Variants in DAG1 observed in about 807,000 individuals in gnomAD.
DAG1 encodes dystroglycan 1 (dystrophin-associated glycoprotein 1).
In DAG1, 8 loss-of-function variants were observed where a neutral mutation model predicts 46.1. The ratio of observed to expected loss-of-function variants is 0.17; its 90% CI spans 0.10 to 0.31. The LOEUF is 0.31. DAG1 is among the 10% of genes least tolerant of loss of function. DAG1 has a pLI of 1.00. For synonymous variants in DAG1, 495 were observed against 481.8 expected, an observed-to-expected ratio of 1.03 and a Z score of -0.36; for missense variants, 1,003 against 1,189.9, an observed-to-expected ratio of 0.84 and a Z score of 2.31.
chr3:49,485,991 A>C (rs1353698797), intron 1 of DAG1, among the ~76,000 whole-genome samples: 2 of 151,382 alleles, frequency 1.3e-5, no homozygotes, highest in Non-Finnish European at 2.9e-5. Flanking sequence ...AAGCTTTCTG[A>C]GGGTTGTCCT....
At chr3:49,471,394 G>A (rs1261358179) in intron 1 of DAG1, among the ~76,000 whole-genome samples, 3 of 151,974 alleles carry the variant, frequency 2.0e-5, no homozygotes, top group African/African-American at 7.3e-5. Flanking sequence ...GGGTATTGCA[G>A]TTTTATCAGG....
In DAG1 at chr3:49,525,853, C is replaced by T. The variant is rs542657805; in HGVS notation, c.286-4944C>T. Reference sequence around the variant, plus strand: ...GATTACAGGCGTGAGCCACCGCGCTCGGCCTTTTTTTTTTTGAGATGGAGT... The same window carrying T: ...GATTACAGGCGTGAGCCACCGCGCTTGGCCTTTTTTTTTTTGAGATGGAGT... On this transcript the variant is annotated intron_variant, in intron 2 of 2. Transcript: ENST00000308775. Among the ~76,000 whole-genome samples the T allele has an allele frequency of 7.1e-4, 106 of 150,084 alleles. 1 individual carries two copies. Among genetic ancestry groups the T allele is most frequent in the African/African-American group, 2.5e-3 (101 of 40,632 alleles).
At position 49,531,149 on chromosome 3, in the gene DAG1, G is replaced by A. The variant is rs2107926954; in HGVS notation, c.638G>A (p.Arg213Lys). 2 of 1,614,234 alleles carry A rather than the reference G, an allele frequency of 1.2e-6. No homozygotes were observed. Among genetic ancestry groups the A allele is most frequent in the East Asian group, 2.2e-5 (1 of 44,886 alleles). The change falls in exon 3 of 3, where the codon AGG becomes AAG. Residue 213 changes from arginine to lysine, a missense_variant. Arg to Lys is a conservative substitution (Grantham distance 26). Around this residue, in one of 3 missense-constraint regions of DAG1, gnomAD observed 52 missense variants for 96.7 expected, o/e 0.54. Coordinates refer to ENST00000308775, the MANE Select transcript of DAG1 (RefSeq NM_004393.6). This position sits in a 1 kb window ranked among gnomAD's most constrained non-coding sequence, Gnocchi z 7.0. ...TPKQRIDLLH[R>K]MRSFSEVELH... The stretch of plus-strand genomic sequence containing the variant: ...AAGCAAAGGATTGACCTCCTGCACA[G>A]GATGCGGAGCTTCTCAGAAGTAGAG...
At chr3:49,503,763 G>A (rs1476765560) in intron 1 of DAG1, among the ~76,000 whole-genome samples, 4 of 151,922 alleles carry the variant, frequency 2.6e-5, no homozygotes, top group Non-Finnish European at 5.9e-5. Flanking sequence ...GGGAGGTCGA[G>A]GCTGCAGTGA....
intron 2 of DAG1, among the ~76,000 whole-genome samples, chr3:49,524,818 A>ACACACCCACACACC: frequency 6.6e-6 from 1 of 152,210 alleles, no homozygotes; most frequent in Middle Eastern, 3.4e-3. Context: ...CCCTGTCTCT[A>ACACACCCACACACC]CACACCCACA....
intron 2 of DAG1, among the ~76,000 whole-genome samples, chr3:49,516,964 G>A (rs1335951349): frequency 6.9e-6 from 1 of 145,020 alleles, no homozygotes; most frequent in Non-Finnish European, 1.5e-5. Context: ...GACAGAGTTA[G>A]TTTGTAGGGA....
chr3:49,509,623 C>T (rs767238223), intron 1 of DAG1, among the ~76,000 whole-genome samples: 9 of 152,168 alleles, frequency 5.9e-5, no homozygotes, highest in Non-Finnish European at 1.0e-4. Flanking sequence ...AAAGCAGTGC[C>T]ACCCAACAGA....
upstream of DAG1, among the ~76,000 whole-genome samples, chr3:49,469,467 C>T (rs9860055): frequency 0.24 from 36,209 of 152,066 alleles, 4,616 homozygotes; most frequent in Middle Eastern, 0.29. Context: ...CAGCAACCCC[C>T]CTCTCTTATT....
chr3:49,492,226 G>A (rs1309953005), intron 1 of DAG1, among the ~76,000 whole-genome samples: 10 of 152,172 alleles, frequency 6.6e-5, no homozygotes, highest in Non-Finnish European at 1.2e-4. Flanking sequence ...TACCCCGCCT[G>A]GCTCCAAGTC....
intron 2 of DAG1, among the ~76,000 whole-genome samples, chr3:49,522,616 A>G (rs2051063039): frequency 6.6e-6 from 1 of 151,720 alleles, no homozygotes; most frequent in Admixed American, 6.6e-5. Flanking sequence ...AGTCTTTGGA[A>G]CTTTTTGTGG....
At chr3:49,499,261 G>A (rs1156784919) in intron 1 of DAG1, among the ~76,000 whole-genome samples, 1 of 152,144 alleles carries the variant, frequency 6.6e-6, no homozygotes, top group Non-Finnish European at 1.5e-5. Context: ...TCAGAGCCGG[G>A]TACAGTGGCC....
Position 49,533,659 on chromosome 3 carries a change from C to A in DAG1, c.*460C>A, listed in dbSNP as rs1002367223. On this transcript the variant is annotated 3_prime_UTR_variant, in exon 3 of 3. Transcript: ENST00000308775. The stretch of plus-strand genomic sequence containing the variant: ...GAAAACAGTAACTAAAGATTAAATT[C>A]AAAGGACTTTCAGAAGTTAAGGTTA... The A allele has an allele frequency of 6.5e-6, 2 of 309,696 alleles. No homozygotes were observed. The highest frequency in any genetic ancestry group is 9.0e-5 in the East Asian group (1 of 11,162). 19.2% of individuals were successfully genotyped at this position (309,696 alleles called of 1,614,324 possible).
At chr3:49,485,732 GCTCACTGCAGTCTGAAT>G (rs2050008907) in intron 1 of DAG1, among the ~76,000 whole-genome samples, 1 of 145,400 alleles carries the variant, frequency 6.9e-6, no homozygotes, top group Admixed American at 7.1e-5. Flanking sequence ...CATGATCATG[GCTCACTGCAGTCTGAAT>G]TCCTGGGCTT....
intron 2 of DAG1, chr3:49,511,107 G>C (rs753494427): frequency 4.5e-6 from 2 of 444,144 alleles, no homozygotes; most frequent in Non-Finnish European, 6.0e-6. Flanking sequence ...GGTCTGTCAC[G>C]TGTATAGGGA....
intron 1 of DAG1, among the ~76,000 whole-genome samples, chr3:49,493,792 C>T (rs933843899): frequency 2.0e-5 from 3 of 152,206 alleles, no homozygotes; most frequent in Non-Finnish European, 4.4e-5. Flanking sequence ...TTCTGATGCA[C>T]CTCTATGCAA....
At position 49,517,236 on chromosome 3, in the gene DAG1, G is replaced by A. The variant is rs186940019; in HGVS notation, c.285+6417G>A. On this transcript the variant is annotated intron_variant, in intron 2 of 2. Coordinates refer to ENST00000308775, the MANE Select transcript of DAG1 (RefSeq NM_004393.6). The stretch of plus-strand genomic sequence containing the variant: ...TCTCGATCTCCTGACCTTGTGGTCC[G>A]CCCGCCTCGGCCTCCCAAAGTGCTG... Among the ~76,000 whole-genome samples the A allele has an allele frequency of 4.3e-3, 654 of 151,864 alleles. 7 individuals are homozygous for A. The highest frequency in any genetic ancestry group is 0.015 in the African/African-American group (620 of 41,390).
At chr3:49,493,420 CTT>C (rs1490839851) in intron 1 of DAG1, among the ~76,000 whole-genome samples, 1 of 152,106 alleles carries the variant, frequency 6.6e-6, no homozygotes, top group East Asian at 1.9e-4. Context: ...TGGAATCCCA[CTT>C]TTTCCTGTGT....
chr3:49,478,283 A>AAG (rs1575338173), intron 1 of DAG1, among the ~76,000 whole-genome samples: 1 of 150,028 alleles, frequency 6.7e-6, no homozygotes, highest in East Asian at 2.0e-4. Flanking sequence ...CAAAAAAAAA[A>AAG]AAAAAAGAAA....
rs1344528110 is a variant in DAG1, at chr3:49,533,056, G to C, written c.2545G>C (p.Glu849Gln). ...TCCTCTGAACCAGGACACCATGGGAGAGTACACGCCCCTGCGGGATGAGGA... is the reference window on the plus strand; with the variant it reads ...TCCTCTGAACCAGGACACCATGGGACAGTACACGCCCCTGCGGGATGAGGA... Reference protein sequence around the residue: ...TTPLNQDTMGEYTPLRDEDPN... With the variant: ...TTPLNQDTMGQYTPLRDEDPN... Residue 849 changes from glutamate to glutamine, a missense_variant, in exon 3 of 3, where the codon GAG (glutamate) becomes CAG (glutamine). By Grantham distance (29) the Glu-to-Gln change is conservative. This residue lies in a region of DAG1 where 755 missense variants were observed against 854.1 expected (regional missense o/e 0.88). Transcript: ENST00000308775. The C allele has an allele frequency of 6.2e-7, 1 of 1,614,036 alleles. No individual in the cohort carries two copies. Among genetic ancestry groups the C allele is most frequent in the Non-Finnish European group, 8.5e-7 (1 of 1,180,026 alleles).
Sources: gnomAD v4.1 joint callset for allele counts (sites outside exome capture counted in the v4.1 genomes callset) on GRCh38, gnomAD v4.1.1 for gene constraint, gnomAD v4.1.1 regional missense constraint, Gnocchi (gnomAD v3.1) non-coding constraint, MANE v1.5 for transcripts, NCBI Gene and HGNC (gene_info 2026-07-23, HGNC 2026-07-21) for gene names.